The following PTPN13 variants were observed in gnomAD, a reference collection of about 807,000 sequenced individuals.
PTPN13 encodes the protein tyrosine-protein phosphatase non-receptor type 13.
Under a neutral mutation model 284.0 loss-of-function variants are expected in PTPN13, and 191 were observed. That is an observed-to-expected ratio of 0.67 (90% CI 0.60 to 0.76). PTPN13 has a LOEUF of 0.76. PTPN13 is among the 30% of genes least tolerant of loss of function. The pLI is 0.00. For missense variants in PTPN13, 2,797 were observed against 2,939.9 expected, an observed-to-expected ratio of 0.95 and a Z score of 1.12; for synonymous variants, 986 against 1,022.3, an observed-to-expected ratio of 0.96 and a Z score of 0.68.
chr4:86,689,321 C>A, intron 5 of PTPN13, 131 bp downstream of exon 5: 2 of 704,576 alleles, frequency 2.8e-6, no homozygotes, highest in Non-Finnish European at 4.6e-6. Context: ...TGAATTTCTT[C>A]TTCTAATATA....
intron 7 of PTPN13, among the ~76,000 whole-genome samples, chr4:86,706,581 G>C (rs947638261): frequency 6.6e-6 from 1 of 152,074 alleles, no homozygotes; most frequent in Non-Finnish European, 1.5e-5. Flanking sequence ...CTTTAAGGCA[G>C]CTAATCCTAT....
chr4:86,777,648 A>G (rs1740809824), intron 35 of PTPN13, among the ~76,000 whole-genome samples: 2 of 152,218 alleles, frequency 1.3e-5, no homozygotes, highest in South Asian at 4.1e-4. Flanking sequence ...GACTTAAGTC[A>G]TATAAAGGAA....
intron 1 of PTPN13, among the ~76,000 whole-genome samples, chr4:86,607,968 A>G (rs539128125): frequency 2.5e-4 from 38 of 152,192 alleles, no homozygotes; most frequent in Non-Finnish European, 3.4e-4. Context: ...GTAATATAAA[A>G]TTGGAAACAA....
chr4:86,618,538 A>G (rs1720854576), intron 1 of PTPN13, among the ~76,000 whole-genome samples: 2 of 152,122 alleles, frequency 1.3e-5, no homozygotes, highest in African/African-American at 2.4e-5. Context: ...TTTTCACAAT[A>G]TTGATTCTTC....
At position 86,722,206 on chromosome 4, in the gene PTPN13, A is replaced by C. The variant is rs1483212754; in HGVS notation, c.1386-6A>C. On this transcript the variant is annotated splice_region_variant and splice_polypyrimidine_tract_variant and intron_variant, in intron 9 of 47. Coordinates refer to ENST00000411767, the MANE Select transcript of PTPN13 (RefSeq NM_080683.3). ...AATCCTCACCTGTCTCCTCTTTTCTATATAGCAGACAATATGAAACACCCT... is the reference window on the plus strand; with the variant it reads ...AATCCTCACCTGTCTCCTCTTTTCTCTATAGCAGACAATATGAAACACCCT... 1 of 1,603,550 alleles carries C rather than the reference A, an allele frequency of 6.2e-7. No homozygotes were observed. The highest frequency in any genetic ancestry group is 8.5e-7 in the Non-Finnish European group (1 of 1,170,654).
At position 86,815,153 on chromosome 4, in the gene PTPN13, A is replaced by G. The variant is rs1745642626; in HGVS notation, c.*602A>G. ...TAAAAACACACCTTAAAACATGAAC[A>G]AGCCAAAACTGTGTGCAGACAAATT... On this transcript the variant is annotated 3_prime_UTR_variant, in exon 48 of 48. Transcript: ENST00000411767. 1 of 152,590 alleles carries G rather than the reference A, an allele frequency of 6.6e-6. No individual in the cohort carries two copies. The highest frequency in any genetic ancestry group is 6.5e-5 in the Admixed American group (1 of 15,280). 9.5% of individuals were successfully genotyped at this position (152,590 alleles called of 1,614,324 possible). A position where few individuals can be genotyped will look rare whatever the true frequency, so the allele number is the denominator to read the frequency against.
intron 40 of PTPN13, among the ~76,000 whole-genome samples, chr4:86,787,375 C>T (rs1385789212): frequency 6.6e-6 from 1 of 151,510 alleles, no homozygotes; most frequent in East Asian, 2.0e-4. Context: ...GGCGGATCAC[C>T]TGAGGTTGGG....
intron 31 of PTPN13, 81 bp from the exon 32 acceptor site, chr4:86,772,697 G>A (rs1740143514): frequency 7.9e-6 from 9 of 1,133,158 alleles, no homozygotes. Context: ...TATTTGTTAA[G>A]TGTTTTCTGT....
chr4:86,605,188 A>C (rs1764643367), intron 1 of PTPN13, among the ~76,000 whole-genome samples: 1 of 151,964 alleles, frequency 6.6e-6, no homozygotes, highest in South Asian at 2.1e-4. Context: ...TATGTTAAAG[A>C]AAGTGCCTTA....
chr4:86,805,895 C>G (rs1038604672), intron 44 of PTPN13, among the ~76,000 whole-genome samples: 21 of 152,246 alleles, frequency 1.4e-4, no homozygotes, highest in Admixed American at 5.2e-4. Context: ...GTGGCTCACA[C>G]CTTTAATCCC....
At position 86,772,849 on chromosome 4, in the gene PTPN13, C is replaced by T. The variant is rs377036483; in HGVS notation, c.5240C>T (p.Ser1747Phe). Reference protein sequence around the residue: ...SYQPQSESASSSSMDKYHIHH... With the variant: ...SYQPQSESASFSSMDKYHIHH... ...CAACCCCAATCAGAATCTGCTTCCT[C>T]TAGTTCGATGGATAAGTATCATATA... The change falls in exon 32 of 48, where the codon TCT (serine) becomes TTT (phenylalanine). Residue 1747 changes from serine (S) to phenylalanine (F), a missense_variant. Transcript: ENST00000411767. 6.2e-7 allele frequency: 1 copy of T among 1,613,422 alleles called. No individual in the cohort carries two copies. Among genetic ancestry groups the T allele is most frequent in the Admixed American group, 1.7e-5 (1 of 60,004 alleles).
chr4:86,784,584 T>C (rs1741690029), intron 38 of PTPN13, 26 bp downstream of exon 38: 3 of 1,438,906 alleles, frequency 2.1e-6, no homozygotes, highest in East Asian at 4.6e-5. Flanking sequence ...AGTCATCTAA[T>C]TACTCTAAAT....
At chr4:86,613,613 G>A (rs1013698775) in intron 1 of PTPN13, among the ~76,000 whole-genome samples, 5 of 133,898 alleles carry the variant, frequency 3.7e-5, no homozygotes, top group African/African-American at 8.7e-5. Context: ...CAGCCTGGGC[G>A]ACAAGGTGAG....
intron 6 of PTPN13, among the ~76,000 whole-genome samples, chr4:86,700,635 T>C (rs993316691): frequency 6.6e-6 from 1 of 152,324 alleles, no homozygotes; most frequent in East Asian, 1.9e-4. Flanking sequence ...GTTTCTTTCA[T>C]AACTTAAACA....
At position 86,732,560 on chromosome 4, in the gene PTPN13, T is replaced by A. The variant is rs760153898; in HGVS notation, c.1684-32T>A. 3.1e-6 allele frequency: 5 copies of A among 1,600,100 alleles called. No individual in the cohort carries two copies. In the South Asian group the frequency reaches 5.6e-5, roughly 18 times the overall value. On this transcript the variant is annotated intron_variant, in intron 11 of 47. Transcript: ENST00000411767. Reference sequence around the variant, plus strand: ...AGTTAAAATTCTTATAATGCTTATTTTAATAAATGCCGTTTATTTTTTCAA... The same window carrying A: ...AGTTAAAATTCTTATAATGCTTATTATAATAAATGCCGTTTATTTTTTCAA...
At chr4:86,709,935 T>C (rs1732195803) in intron 7 of PTPN13, among the ~76,000 whole-genome samples, 1 of 152,206 alleles carries the variant, frequency 6.6e-6, no homozygotes. Context: ...TTCACTCTTG[T>C]ATGAGCTTTG....
chr4:86,669,192 TA>T (rs1227162371), intron 2 of PTPN13, among the ~76,000 whole-genome samples: 1 of 150,450 alleles, frequency 6.6e-6, no homozygotes, highest in African/African-American at 2.4e-5. Flanking sequence ...CTTAGATACC[TA>T]ATACTTTCTA....
intron 41 of PTPN13, among the ~76,000 whole-genome samples, chr4:86,797,620 A>G (rs2149355821): frequency 6.6e-6 from 1 of 152,316 alleles, no homozygotes; most frequent in South Asian, 2.1e-4. Flanking sequence ...GAAAAAATGA[A>G]TGAAAGCGTG....
At chr4:86,685,429 T>C (rs1383313807) in intron 3 of PTPN13, among the ~76,000 whole-genome samples, 1 of 152,106 alleles carries the variant, frequency 6.6e-6, no homozygotes, top group African/African-American at 2.4e-5. Context: ...GACAATATAG[T>C]GAGATCCCAT....
Sources: allele counts gnomAD v4.1 joint callset (sites outside exome capture counted in the v4.1 genomes callset), GRCh38; gene constraint gnomAD v4.1.1; transcripts MANE v1.5; gene names NCBI Gene and HGNC (gene_info 2026-07-23, HGNC 2026-07-21).